The following ACAP3 variants were observed in gnomAD, a reference collection of about 807,000 sequenced individuals.
The protein encoded by ACAP3 is arf-GAP with coiled-coil, ANK repeat and PH domain-containing protein 3.
In ACAP3, 56 loss-of-function variants were observed where a neutral mutation model predicts 104.1. That is an observed-to-expected ratio of 0.54 (90% CI 0.43 to 0.67). The LOEUF (loss-of-function observed/expected upper bound fraction) is 0.67, where lower values mean the gene tolerates loss of function less well. ACAP3 is among the 30% of genes least tolerant of loss of function. The probability of loss-of-function intolerance (pLI) is 0.00; values close to 1 mark genes in which losing one functional copy is unlikely to be tolerated. For missense variants in ACAP3, 1,208 were observed against 1,174.9 expected (o/e 1.03, Z -0.41); for synonymous variants, 628 against 496.2 (o/e 1.27, Z -3.53).
chr1:1,307,865 G>T lies in ACAP3; in HGVS notation c.-50C>A. ...TGGCACGAGGACCGCGGCGCCGAGCGGCAGCCGCGCCGGCCCGGACCGCTC... is the reference window on the plus strand; with the variant it reads ...TGGCACGAGGACCGCGGCGCCGAGCTGCAGCCGCGCCGGCCCGGACCGCTC... On this transcript the variant is annotated 5_prime_UTR_variant, in exon 1 of 24. Coordinates refer to ENST00000354700, the MANE Select transcript of ACAP3 (RefSeq NM_030649.3). 15 of 985,336 alleles carry T rather than the reference G, an allele frequency of 1.5e-5. No homozygotes were observed. Among genetic ancestry groups the T allele is most frequent in the Non-Finnish European group, 1.8e-5 (15 of 825,720 alleles). The allele number at this position is 985,336 out of a possible 1,614,324, so 61.0% of individuals were successfully genotyped here.
intron 1 of ACAP3, chr1:1,304,581 A>G (rs1252667230): frequency 9.9e-6 from 2 of 202,414 alleles, no homozygotes; most frequent in Non-Finnish European, 2.0e-5. Flanking sequence ...GCACCCATGC[A>G]CTGTGGGACA....
chr1:1,301,767 C>T (rs1353169708), intron 5 of ACAP3: 2 of 404,014 alleles, frequency 5.0e-6, no homozygotes, highest in Non-Finnish European at 8.9e-6. Context: ...GTGGACTGGA[C>T]CTCTCTGCTG....
At chr1:1,302,400 C>T (rs1308995828) in intron 4 of ACAP3, among the ~76,000 whole-genome samples, 1 of 152,158 alleles carries the variant, frequency 6.6e-6, no homozygotes, top group Non-Finnish European at 1.5e-5. Flanking sequence ...CCGGGAGCAC[C>T]CAGGGGCTGG....
At chr1:1,295,021 C>T (rs1015139145) in intron 19 of ACAP3, 16 of 587,600 alleles carry the variant, frequency 2.7e-5, no homozygotes, top group Non-Finnish European at 4.8e-5. Flanking sequence ...CCAGGGGTAG[C>T]CCCCTAAAGC....
In ACAP3 at chr1:1,294,641, G is replaced by T; in HGVS notation, c.1913-13C>A. 6.5e-7 allele frequency: 1 copy of T among 1,530,300 alleles called. No individual in the cohort carries two copies. 94.8% of individuals were successfully genotyped at this position (1,530,300 alleles called of 1,614,324 possible). A position where few individuals can be genotyped will look rare whatever the true frequency, so the allele number is the denominator to read the frequency against. On this transcript the variant is annotated splice_polypyrimidine_tract_variant and intron_variant, in intron 20 of 23. Transcript: ENST00000354700. ...GACTCTGCACCCTCTGTGGGGAGGGGGCGGTCAGGGAAAGCAACCCCCGGG... is the reference window on the plus strand; with the variant it reads ...GACTCTGCACCCTCTGTGGGGAGGGTGCGGTCAGGGAAAGCAACCCCCGGG...
rs886706085 is a variant in ACAP3, at chr1:1,298,412, G to A, written c.873C>T (p.Phe291=). Residue 291 remains phenylalanine, a synonymous_variant, in exon 12 of 24, where the codon TTC becomes TTT. Transcript: ENST00000354700. ...AGACCAGCTGGCTGTTCTGAATGGA[G>A]AACCAGCGCCTAGGTGGGTGGGGGG... is the stretch of plus-strand genomic sequence containing the variant. The part of the protein sequence containing the change: ...NAFKTWNRRW[F]SIQNSQLVYQ... 2 of 1,602,138 alleles carry A rather than the reference G, an allele frequency of 1.2e-6. No individual in the cohort carries two copies. Among genetic ancestry groups the A allele is most frequent in the Admixed American group, 1.7e-5 (1 of 58,884 alleles).
chr1:1,306,304 G>C (rs778863840), intron 1 of ACAP3, among the ~76,000 whole-genome samples: 11 of 152,118 alleles, frequency 7.2e-5, no homozygotes, highest in African/African-American at 2.7e-4. Flanking sequence ...TCTGCGTGGA[G>C]GAGGAGGTCC....
chr1:1,295,768 G>A lies in ACAP3; in HGVS notation c.1673C>T (p.Pro558Leu), dbSNP rs1357613451. Residue 558 changes from proline (P) to leucine (L), a missense_variant, in exon 18 of 24, where the codon CCC (proline) becomes CTC (leucine). Coordinates refer to ENST00000354700, the MANE Select transcript of ACAP3 (RefSeq NM_030649.3). ...CAGAGCGGCCACACAGGGCAGAACG[G>A]GCTCAAGCCGGACCTTGCGGCGGGC... The part of the protein sequence containing the change: ...PTARRKVRLE[P>L]VLPCVAALSS... 3 of 1,607,480 alleles carry A rather than the reference G, an allele frequency of 1.9e-6. No homozygotes were observed. The Admixed American group carries it at 5.0e-5, about 27-fold the overall frequency.
intron 1 of ACAP3, chr1:1,306,974 G>T: frequency 2.4e-6 from 1 of 418,120 alleles, no homozygotes; most frequent in Non-Finnish European, 4.8e-6. Context: ...CCTGTGCAAG[G>T]CCTGGTGTCC....
intron 1 of ACAP3, chr1:1,304,479 A>G (rs1393826717): frequency 6.5e-6 from 3 of 461,386 alleles, no homozygotes; most frequent in African/African-American, 4.0e-5. Context: ...CTCCTCTAGG[A>G]GTTCAGAGTC....
intron 14 of ACAP3, 97 bp downstream of exon 14, chr1:1,297,725 G>T: frequency 9.3e-7 from 1 of 1,072,234 alleles, no homozygotes; most frequent in Non-Finnish European, 1.3e-6. Flanking sequence ...GGCCATCCCC[G>T]GTGGCACGTG....
rs550502276 is a variant in ACAP3 at position 1,298,018 on chromosome 1, G to A, written c.1011C>T (p.Pro337=). ...ERRFCFEVLS[P]TKSCMLQADS... Reference sequence around the variant, plus strand: ...CCTGGGCTGGGCCTCCTCACTTGGTGGGTGACAGCACCTCGAAGCAGAACC... The same window carrying A: ...CCTGGGCTGGGCCTCCTCACTTGGTAGGTGACAGCACCTCGAAGCAGAACC... Residue 337 remains proline (P), a synonymous_variant, in exon 13 of 24, where the codon CCC becomes CCT. Coordinates refer to ENST00000354700, the MANE Select transcript of ACAP3 (RefSeq NM_030649.3). 3.1e-6 allele frequency: 5 copies of A among 1,611,900 alleles called. No homozygotes were observed. Among genetic ancestry groups the A allele is most frequent in the African/African-American group, 2.7e-5 (2 of 74,982 alleles).
chr1:1,306,013 C>G (rs1641677282), intron 1 of ACAP3: 1 of 152,362 alleles, frequency 6.6e-6, no homozygotes, highest in African/African-American at 2.4e-5. Flanking sequence ...AGGGCCTGCC[C>G]CCAGGACAGC....
rs1326641451 is a variant in ACAP3, at chr1:1,296,412, C to T, written c.1337+13G>A. On this transcript the variant is annotated intron_variant, in intron 15 of 23. Coordinates refer to ENST00000354700, the MANE Select transcript of ACAP3 (RefSeq NM_030649.3). Reference sequence around the variant, plus strand: ...CCCAACCCCCACCCCCAGCCTGGCCCTCAGGGGCCCACCTGTGGATGCCGG... The same window carrying T: ...CCCAACCCCCACCCCCAGCCTGGCCTTCAGGGGCCCACCTGTGGATGCCGG... 2 of 1,545,226 alleles carry T rather than the reference C, an allele frequency of 1.3e-6. No individual in the cohort carries two copies. The highest frequency in any genetic ancestry group is 1.2e-5 in the South Asian group (1 of 83,980).
Position 1,307,906 on chromosome 1 carries a change from C to T in ACAP3, c.-91G>A, listed in dbSNP as rs1310889353. On this transcript the variant is annotated 5_prime_UTR_variant, in exon 1 of 24. Coordinates refer to ENST00000354700, the MANE Select transcript of ACAP3 (RefSeq NM_030649.3). ...CGGACCGCTCGTCCCGCCCGCGCCGCCTCGGCGCCCGCCCGCCCCGGAATG... is the reference window on the plus strand; with the variant it reads ...CGGACCGCTCGTCCCGCCCGCGCCGTCTCGGCGCCCGCCCGCCCCGGAATG... The T allele has an allele frequency of 1.4e-6, 1 of 729,618 alleles. No homozygotes were observed. Among genetic ancestry groups the T allele is most frequent in the Non-Finnish European group, 1.7e-6 (1 of 598,562 alleles). The allele number at this position is 729,618 out of a possible 1,614,324, so 45.2% of individuals were successfully genotyped here. A position where few individuals can be genotyped will look rare whatever the true frequency, so the allele number is the denominator to read the frequency against.
At position 1,303,065 on chromosome 1, in the gene ACAP3, C is replaced by T. The variant is rs1008139945; in HGVS notation, c.226-90G>A. The stretch of plus-strand genomic sequence containing the variant: ...CCTCTGAGCCCCTGGGCGGTGCAGA[C>T]ACCGGCCTGCTTCTGGCCTGGACGC... On this transcript the variant is annotated intron_variant, in intron 3 of 23. Coordinates refer to ENST00000354700, the MANE Select transcript of ACAP3 (RefSeq NM_030649.3). The surrounding 1 kb of genome is among the most constrained non-coding windows in gnomAD (Gnocchi z 4.0). 2 of 1,552,436 alleles carry T rather than the reference C, an allele frequency of 1.3e-6. No individual in the cohort carries two copies. The highest frequency in any genetic ancestry group is 2.4e-5 in the East Asian group (1 of 41,720).
chr1:1,300,771 G>T, intron 5 of ACAP3, 79 bp from the exon 6 acceptor site: 1 of 1,494,238 alleles, frequency 6.7e-7, no homozygotes, highest in Non-Finnish European at 9.1e-7. Context: ...ATCGTTGTTT[G>T]TGTGTTTTTT....
At chr1:1,298,724 C>T (rs759534305) in intron 10 of ACAP3, 45 bp from the exon 11 acceptor site, 4 of 1,474,328 alleles carry the variant, frequency 2.7e-6, no homozygotes, top group Non-Finnish European at 3.8e-6. Flanking sequence ...CCCAGGGGCC[C>T]TGCTACCCTC....
intron 18 of ACAP3, 50 bp from the exon 19 acceptor site, chr1:1,295,604 A>G: frequency 6.3e-7 from 1 of 1,587,640 alleles, no homozygotes. Context: ...GGGGTGGGGC[A>G]GGGAACCCCA....
Sources: gnomAD v4.1 joint callset for allele counts (sites outside exome capture counted in the v4.1 genomes callset) on GRCh38, gnomAD v4.1.1 for gene constraint, Gnocchi (gnomAD v3.1) non-coding constraint, MANE v1.5 for transcripts, NCBI Gene and HGNC (gene_info 2026-07-23, HGNC 2026-07-21) for gene names.